Variants in IL1RAPL2 observed in about 807,000 individuals in gnomAD.
The protein encoded by IL1RAPL2 is interleukin 1 receptor accessory protein like 2, also known as X-linked interleukin-1 receptor accessory protein-like 2.
Under a neutral mutation model 44.1 loss-of-function variants are expected in IL1RAPL2, and 3 were observed. The ratio of observed to expected loss-of-function variants is 0.07; its 90% CI spans 0.03 to 0.18. The LOEUF is 0.18. Ranked by LOEUF, IL1RAPL2 falls within the 10% of genes least tolerant of loss-of-function variation. IL1RAPL2 has a pLI of 1.00. For synonymous variants in IL1RAPL2, 181 were observed against 178.8 expected, an observed-to-expected ratio of 1.01 and a Z score of -0.10; for missense variants, 391 against 496.4, an observed-to-expected ratio of 0.79 and a Z score of 2.02.
rs113573505 is a variant in IL1RAPL2 at position 104,999,514 on chromosome X, T to C, written c.83-195961T>C. On this transcript the variant is annotated intron_variant, in intron 2 of 10. Transcript: ENST00000372582. ...AGTTGTATGGTCTCCAAAAACTTTC[T>C]GGAACTTGAAGGAGGAACTAAAAGA... is the stretch of plus-strand genomic sequence containing the variant. 3.1e-3 allele frequency among the ~76,000 whole-genome samples: 343 copies of C among 112,044 alleles called. 2 individuals carry two copies. Among genetic ancestry groups the C allele is most frequent in the African/African-American group, 0.011 (329 of 30,895 alleles).
chrX:104,582,869 T>TTTTC, intron 1 of IL1RAPL2, among the ~76,000 whole-genome samples: 1 of 88,533 alleles, frequency 1.1e-5, no homozygotes, highest in East Asian at 3.4e-4. Context: ...TCTTTCTTTC[T>TTTTC]TTTTCTTTTC....
At chrX:105,419,781 T>G (rs2035761199) in intron 5 of IL1RAPL2, among the ~76,000 whole-genome samples, 1 of 112,040 alleles carries the variant, frequency 8.9e-6, no homozygotes, top group Non-Finnish European at 1.9e-5. Context: ...TGGATAATAT[T>G]TGATTCAGTA....
intron 4 of IL1RAPL2, among the ~76,000 whole-genome samples, chrX:105,266,643 G>A (rs760375820): frequency 9.0e-6 from 1 of 111,585 alleles, no homozygotes; most frequent in South Asian, 3.8e-4. Flanking sequence ...TTCCTATCAG[G>A]AGAGTAAGAT....
chrX:104,918,727 A>T (rs1157323836), intron 2 of IL1RAPL2, among the ~76,000 whole-genome samples: 1 of 112,277 alleles, frequency 8.9e-6, no homozygotes, highest in East Asian at 2.8e-4. Flanking sequence ...AATAGAGGAC[A>T]AAATGGAGTA....
At chrX:105,034,385 T>C (rs1227039250) in intron 2 of IL1RAPL2, among the ~76,000 whole-genome samples, 4 of 111,795 alleles carry the variant, frequency 3.6e-5, no homozygotes, top group Non-Finnish European at 7.5e-5. Flanking sequence ...ATGATGGTGA[T>C]GTACAGATGG....
intron 6 of IL1RAPL2, among the ~76,000 whole-genome samples, chrX:105,622,072 G>C (rs1190844564): frequency 9.1e-6 from 1 of 110,069 alleles, no homozygotes; most frequent in African/African-American, 3.3e-5. Context: ...TGTATACTTT[G>C]AGAGTGCTCC....
intron 2 of IL1RAPL2, among the ~76,000 whole-genome samples, chrX:104,842,724 G>T (rs1921942102): frequency 8.9e-6 from 1 of 112,498 alleles, no homozygotes; most frequent in African/African-American, 3.2e-5. Context: ...AGTGGAGGCT[G>T]TAGAACAGCA....
intron 6 of IL1RAPL2, among the ~76,000 whole-genome samples, chrX:105,591,961 A>C (rs1205695226): frequency 9.0e-6 from 1 of 110,817 alleles, no homozygotes; most frequent in Non-Finnish European, 1.9e-5. Flanking sequence ...TCAGGTACCA[A>C]ATATCTTTGT....
At chrX:105,413,398 TAAG>T (rs1434874588) in intron 5 of IL1RAPL2, among the ~76,000 whole-genome samples, 3 of 111,204 alleles carry the variant, frequency 2.7e-5, no homozygotes, top group African/African-American at 6.5e-5. Flanking sequence ...AAGGTCCTTA[TAAG>T]AAGAAGAAGG....
chrX:104,859,445 A>G (rs1344870710), intron 2 of IL1RAPL2, among the ~76,000 whole-genome samples: 1 of 111,671 alleles, frequency 9.0e-6, no homozygotes, highest in Non-Finnish European at 1.9e-5. Context: ...ACCCATGCCC[A>G]TCACATAATG....
chrX:104,913,907 G>A (rs956397013), intron 2 of IL1RAPL2, among the ~76,000 whole-genome samples: 4 of 112,187 alleles, frequency 3.6e-5, no homozygotes, highest in Admixed American at 9.5e-5. Flanking sequence ...GGTTTTGGTT[G>A]CTGGGAGTAG....
chrX:105,551,509 C>G (rs2036855589), intron 6 of IL1RAPL2, among the ~76,000 whole-genome samples: 1 of 111,041 alleles, frequency 9.0e-6, no homozygotes, highest in Admixed American at 9.6e-5. Context: ...CTCCATGTCT[C>G]TCAAAGCAGC....
chrX:105,205,587 TAAAAAAAAAAAAAAAAAAAAAAAAAA>T (rs375473348), intron 3 of IL1RAPL2, among the ~76,000 whole-genome samples: 1 of 8,217 alleles, frequency 1.2e-4, no homozygotes, highest in Admixed American at 2.8e-3. Flanking sequence ...AAGACTCTGT[TAAAAAAAAAAAAAAAAAAAAAAAAAA>T]AAAAAAAAAA....
chrX:104,891,545 C>G (rs1037629585), intron 2 of IL1RAPL2, among the ~76,000 whole-genome samples: 7 of 111,360 alleles, frequency 6.3e-5, no homozygotes, highest in Non-Finnish European at 1.3e-4. Flanking sequence ...GTACTTTATT[C>G]TCTTTGAAGC....
intron 3 of IL1RAPL2, among the ~76,000 whole-genome samples, chrX:105,216,250 A>G (rs2033857156): frequency 9.0e-6 from 1 of 111,608 alleles, no homozygotes; most frequent in South Asian, 3.8e-4. Context: ...CTGATAAGCA[A>G]CTTCAGCAAA....
intron 5 of IL1RAPL2, among the ~76,000 whole-genome samples, 181 bp downstream of exon 5, chrX:105,267,722 A>G (rs1011398417): frequency 3.6e-5 from 4 of 112,049 alleles, no homozygotes; most frequent in Non-Finnish European, 7.5e-5. Context: ...GGAATATGAA[A>G]AAAGAGTTTA....
At chrX:105,246,313 G>A (rs994956398) in intron 4 of IL1RAPL2, among the ~76,000 whole-genome samples, 2 of 112,174 alleles carry the variant, frequency 1.8e-5, no homozygotes, top group African/African-American at 3.2e-5. Context: ...ATAGTCAGGA[G>A]CAATCTTTTG....
At chrX:104,625,456 A>G (rs1456525958) in intron 1 of IL1RAPL2, among the ~76,000 whole-genome samples, 1 of 111,839 alleles carries the variant, frequency 8.9e-6, no homozygotes, top group African/African-American at 3.3e-5. Context: ...TAAATAATGT[A>G]CTTATTATAA....
chrX:104,585,748 C>G (rs186435855), intron 1 of IL1RAPL2, among the ~76,000 whole-genome samples: 3 of 109,550 alleles, frequency 2.7e-5, no homozygotes, highest in Admixed American at 1.0e-4. Flanking sequence ...CCAGCTCCAT[C>G]CATGTTGCTG....
Sources: gnomAD v4.1 joint callset for allele counts (sites outside exome capture counted in the v4.1 genomes callset) on GRCh38, gnomAD v4.1.1 for gene constraint, MANE v1.5 for transcripts, NCBI Gene and HGNC (gene_info 2026-07-23, HGNC 2026-07-21) for gene names.